SNED1: variants seen among roughly 807,000 people sequenced by gnomAD.
The protein encoded by SNED1 is sushi, nidogen and EGF like domains 1.
A neutral mutation model predicts 166.7 loss-of-function variants in SNED1; 81 were observed. The ratio of observed to expected loss-of-function variants is 0.49; its 90% CI spans 0.41 to 0.58. The LOEUF (loss-of-function observed/expected upper bound fraction) is 0.58, where lower values mean the gene tolerates loss of function less well. Among genes scored for constraint, SNED1 ranks in the 20% least tolerant of loss-of-function variants. The pLI, the probability that SNED1 is intolerant of heterozygous loss-of-function variation, is 0.00. For synonymous variants in SNED1, 762 were observed against 822.0 expected, an observed-to-expected ratio of 0.93 and a Z score of 1.25; for missense variants, 1,604 against 2,000.2, an observed-to-expected ratio of 0.80 and a Z score of 3.78.
Position 241,052,090 on chromosome 2 carries a change from C to G in SNED1, c.1902C>G (p.Cys634Trp). 6.2e-7 allele frequency: 1 copy of G among 1,613,940 alleles called. No homozygotes were observed. The highest frequency in any genetic ancestry group is 8.5e-7 in the Non-Finnish European group (1 of 1,179,876). The change falls in exon 14 of 32, where the codon TGC (cysteine) becomes TGG (tryptophan). Residue 634 changes from cysteine to tryptophan, a missense_variant. Physicochemically the swap from Cys to Trp is radical, Grantham distance 215. Around this residue, in one of 2 missense-constraint regions of SNED1, gnomAD observed 1,237 missense variants for 1,620.8 expected, o/e 0.76. Coordinates refer to ENST00000310397, the MANE Select transcript of SNED1 (RefSeq NM_001080437.3). ...GCCCCTGTCACAACGGCGGCACCTGCTTCCACTACATTGGCAAATACAAGT... is the reference window on the plus strand; with the variant it reads ...GCCCCTGTCACAACGGCGGCACCTGGTTCCACTACATTGGCAAATACAAGT... ...ASGPCHNGGT[C>W]FHYIGKYKCD...
At chr2:241,066,893 G>A (rs2062476535) in intron 21 of SNED1, among the ~76,000 whole-genome samples, 1 of 152,208 alleles carries the variant, frequency 6.6e-6, no homozygotes, top group Non-Finnish European at 1.5e-5. Context: ...TGTCCTGCAG[G>A]AGTTGACCAC....
chr2:241,062,898 G>C lies in SNED1; in HGVS notation c.2365G>C (p.Glu789Gln), dbSNP rs1290895510. 2 of 1,597,978 alleles carry C rather than the reference G, an allele frequency of 1.3e-6. No individual in the cohort carries two copies. The highest frequency in any genetic ancestry group is 1.3e-5 in the African/African-American group (1 of 74,732). The change falls in exon 17 of 32, where the codon GAG becomes CAG. Residue 789 changes from glutamate (E) to glutamine (Q), a missense_variant. Around this residue, in one of 2 missense-constraint regions of SNED1, gnomAD observed 1,237 missense variants for 1,620.8 expected, o/e 0.76. Transcript: ENST00000310397. ...CSTGYEGAHCELERDECRAHP... is the reference protein window; with the variant it reads ...CSTGYEGAHCQLERDECRAHP... ...CACAGGCTATGAGGGCGCCCACTGT[G>C]AGCTGGGTAAGAGGGGCCCTGGCCC... is the stretch of plus-strand genomic sequence containing the variant.
chr2:241,031,699 C>A (rs2061173854), intron 2 of SNED1, among the ~76,000 whole-genome samples: 1 of 152,252 alleles, frequency 6.6e-6, no homozygotes, highest in Admixed American at 6.5e-5. Flanking sequence ...TCCGCCCTGT[C>A]CCCTAGACGG....
intron 1 of SNED1, among the ~76,000 whole-genome samples, chr2:241,022,860 T>C (rs1435800803): frequency 6.6e-6 from 1 of 152,180 alleles, no homozygotes; most frequent in East Asian, 1.9e-4. Flanking sequence ...TATAAAGCTG[T>C]TTATAAAATC....
intron 14 of SNED1, 71 bp downstream of exon 14, chr2:241,052,228 A>G: frequency 2.0e-6 from 3 of 1,493,486 alleles, no homozygotes; most frequent in Non-Finnish European, 2.8e-6. Context: ...AAACAGGCCC[A>G]TGGGCAGGGC....
At chr2:241,046,566 A>G (rs560076483) in intron 8 of SNED1, among the ~76,000 whole-genome samples, 2 of 152,320 alleles carry the variant, frequency 1.3e-5, no homozygotes, top group Admixed American at 1.3e-4. Flanking sequence ...TATATCCTGT[A>G]TGGTTCCACT....
intron 16 of SNED1, among the ~76,000 whole-genome samples, chr2:241,062,188 T>A (rs1223350143): frequency 1.3e-5 from 2 of 152,224 alleles, no homozygotes; most frequent in Non-Finnish European, 2.9e-5. Flanking sequence ...AAGGAAATTA[T>A]AAACCCAGAG....
intron 16 of SNED1, among the ~76,000 whole-genome samples, chr2:241,056,926 A>G (rs1449568367): frequency 6.6e-6 from 1 of 152,214 alleles, no homozygotes; most frequent in Non-Finnish European, 1.5e-5. Context: ...TCTGTGGGAC[A>G]ATATCAAACA....
At position 241,036,814 on chromosome 2, in the gene SNED1, C is replaced by T; in HGVS notation, c.830C>T (p.Pro277Leu). The T allele has an allele frequency of 6.2e-7, 1 of 1,610,160 alleles. No individual in the cohort carries two copies. The highest frequency in any genetic ancestry group is 2.2e-5 in the East Asian group (1 of 44,834). The change falls in exon 5 of 32, where the codon CCC (proline) becomes CTC (leucine). Residue 277 changes from proline (P) to leucine (L), a missense_variant. This residue lies in a region of SNED1 where 1,237 missense variants were observed against 1,620.8 expected (regional missense o/e 0.76). Transcript: ENST00000310397. ...GCGTCCGTGTGCCTGGCCCTGCGCC[C>T]CTGCCTCAACGGCGGCAAGTGCATC... ...HTTSVCLALR[P>L]CLNGGKCIDD...
intron 15 of SNED1, among the ~76,000 whole-genome samples, chr2:241,052,687 CGGCGGGGGGGG>C (rs1237570130): frequency 0.073 from 123 of 1,686 alleles, 12 homozygotes; most frequent in Admixed American, 0.23. Context: ...GTGAGAGGGT[CGGCGGGGGGGG>C]GGGGGGTCAA....
intron 20 of SNED1, 128 bp from the exon 21 acceptor site, chr2:241,065,171 A>T: frequency 1.0e-6 from 1 of 1,002,074 alleles, no homozygotes; most frequent in Non-Finnish European, 1.5e-6. Flanking sequence ...AGGGACAAAG[A>T]AGGACTCTGC....
chr2:241,067,386 T>C (rs1303556661), intron 21 of SNED1, among the ~76,000 whole-genome samples: 1 of 152,168 alleles, frequency 6.6e-6, no homozygotes, highest in African/African-American at 2.4e-5. Flanking sequence ...GGATGTGTGC[T>C]CTTAGACCAA....
At chr2:241,033,458 T>C (rs992725130) in intron 2 of SNED1, 3 of 407,436 alleles carry the variant, frequency 7.4e-6, no homozygotes, top group Non-Finnish European at 8.8e-6. Flanking sequence ...CAGTGTCTGC[T>C]CCCATCTGTG....
rs368783406 is a variant in SNED1, at chr2:241,032,680, A to T, written c.502-1055A>T. ...AAAAGTGCTGGTTTCCTTGCACCCC[A>T]GCTGTCATTTTCCAACTTTGCCAAC... On this transcript the variant is annotated intron_variant, in intron 2 of 31. Transcript: ENST00000310397. Among the ~76,000 whole-genome samples the T allele has an allele frequency of 1.3e-4, 20 of 152,370 alleles. No homozygotes were observed. The East Asian group carries it at 3.3e-3, about 25-fold the overall frequency.
intron 8 of SNED1, among the ~76,000 whole-genome samples, chr2:241,046,257 A>G (rs554671540): frequency 4.4e-4 from 67 of 152,352 alleles, no homozygotes; most frequent in African/African-American, 1.6e-3. Flanking sequence ...GGTTTTTTAT[A>G]AGGTTAAGTA....
At chr2:241,008,769 C>T (rs1017115632) in intron 1 of SNED1, among the ~76,000 whole-genome samples, 1 of 152,262 alleles carries the variant, frequency 6.6e-6, no homozygotes, top group Admixed American at 6.5e-5. Flanking sequence ...CTGAAGTCGC[C>T]TCTGGGCTCT....
In SNED1 at chr2:241,069,846, G is replaced by T; in HGVS notation, c.3308-74G>T. 1 of 1,531,238 alleles carries T rather than the reference G, an allele frequency of 6.5e-7. No homozygotes were observed. The highest frequency in any genetic ancestry group is 8.8e-7 in the Non-Finnish European group (1 of 1,131,290). 94.9% of individuals were successfully genotyped at this position (1,531,238 alleles called of 1,614,324 possible). A position where few individuals can be genotyped will look rare whatever the true frequency, so the allele number is the denominator to read the frequency against. Reference sequence around the variant, plus strand: ...AGCAAGGCTGCGGCAGCCCATGTCCGGTTCTCAAACCGTGTTCTTGCCAGA... The same window carrying T: ...AGCAAGGCTGCGGCAGCCCATGTCCTGTTCTCAAACCGTGTTCTTGCCAGA... On this transcript the variant is annotated intron_variant, in intron 23 of 31. Transcript: ENST00000310397. The surrounding 1 kb of genome is among the most constrained non-coding windows in gnomAD (Gnocchi z 4.9).
chr2:241,006,565 C>T (rs2060226989), intron 1 of SNED1, among the ~76,000 whole-genome samples: 1 of 152,230 alleles, frequency 6.6e-6, no homozygotes, highest in Non-Finnish European at 1.5e-5. Context: ...GAGGAAACAT[C>T]AAATGAAACC....
rs368785623 is a variant in SNED1, at chr2:241,030,402, G to A, written c.332G>A (p.Arg111Gln). The change falls in exon 2 of 32, where the codon CGG becomes CAG. Residue 111 changes from arginine (R) to glutamine (Q), a missense_variant. Coordinates refer to ENST00000310397, the MANE Select transcript of SNED1 (RefSeq NM_001080437.3). ...VAAFWADVDNRRAGDVYYREA... is the reference protein window; with the variant it reads ...VAAFWADVDNQRAGDVYYREA... The stretch of plus-strand genomic sequence containing the variant: ...GCCTTCTGGGCAGATGTGGACAACC[G>A]GCGTGCAGGCGACGTGTACTACCGG... 1.2e-4 allele frequency: 194 copies of A among 1,613,060 alleles called. No homozygotes were observed. The highest frequency in any genetic ancestry group is 4.2e-4 in the South Asian group (38 of 90,868).
Sources: allele counts gnomAD v4.1 joint callset (sites outside exome capture counted in the v4.1 genomes callset), GRCh38; gene constraint gnomAD v4.1.1; regional missense constraint gnomAD v4.1.1; non-coding constraint Gnocchi (gnomAD v3.1); transcripts MANE v1.5; gene names NCBI Gene and HGNC (gene_info 2026-07-23, HGNC 2026-07-21).